The following VPS53 variants were observed in gnomAD, a reference collection of about 807,000 sequenced individuals.
VPS53 encodes VPS53 subunit of GARP complex, also known as vacuolar protein sorting-associated protein 53 homolog.
Under a neutral mutation model 107.0 loss-of-function variants are expected in VPS53, and 70 were observed. The observed-to-expected ratio is 0.65, with a 90% confidence interval of 0.54 to 0.80. The LOEUF (loss-of-function observed/expected upper bound fraction) is 0.80. VPS53 is among the 30% of genes least tolerant of loss of function. The probability of loss-of-function intolerance (pLI) is 0.00; values close to 1 mark genes in which losing one functional copy is unlikely to be tolerated. For missense variants in VPS53, 917 were observed against 1,049.4 expected, an observed-to-expected ratio of 0.87 and a Z score of 1.74; for synonymous variants, 409 against 393.3, an observed-to-expected ratio of 1.04 and a Z score of -0.47.
intron 11 of VPS53, among the ~76,000 whole-genome samples, chr17:615,378 G>A (rs1969088839): frequency 1.3e-5 from 2 of 152,180 alleles, no homozygotes; most frequent in Non-Finnish European, 2.9e-5. Context: ...GATGGGTCAG[G>A]AGGAGCTGAG....
At chr17:636,104 G>C (rs1255276181) in intron 7 of VPS53, among the ~76,000 whole-genome samples, 1 of 152,102 alleles carries the variant, frequency 6.6e-6, no homozygotes, top group Non-Finnish European at 1.5e-5. Flanking sequence ...CCTTGAAGAG[G>C]TCCTTCACAT....
At chr17:540,930 G>A (rs1310424225) in intron 17 of VPS53, among the ~76,000 whole-genome samples, 2 of 152,208 alleles carry the variant, frequency 1.3e-5, no homozygotes, top group Non-Finnish European at 2.9e-5. Context: ...ACTGTAGCAG[G>A]AACTTTGACC....
intron 7 of VPS53, among the ~76,000 whole-genome samples, chr17:638,863 T>G (rs901196553): frequency 5.3e-5 from 8 of 152,238 alleles, no homozygotes; most frequent in African/African-American, 1.9e-4. Context: ...TTTCCTTCAT[T>G]TCAACTTTGG....
intron 17 of VPS53, chr17:539,268 G>T (rs1008465568): frequency 1.8e-4 from 28 of 152,190 alleles, no homozygotes; most frequent in African/African-American, 6.8e-4. Flanking sequence ...GACCAAGCAG[G>T]GGCCTGGGAT....
At position 689,704 on chromosome 17, in the gene VPS53, T is replaced by C. The variant is rs527704864; in HGVS notation, c.285+7714A>G. ...GGCCAGGCTGGTCTTAAACTCCTGA[T>C]CTCAGGCGATCCGCCCACCTCCGCC... On this transcript the variant is annotated intron_variant, in intron 4 of 21. Transcript: ENST00000437048. 1.4e-4 allele frequency among the ~76,000 whole-genome samples: 22 copies of C among 152,108 alleles called. No individual in the cohort carries two copies. In the East Asian group the frequency reaches 3.9e-3, roughly 27 times the overall value.
intron 13 of VPS53, among the ~76,000 whole-genome samples, chr17:575,895 C>A (rs773213679): frequency 1.4e-5 from 2 of 145,496 alleles, no homozygotes; most frequent in Admixed American, 6.8e-5. Context: ...GCATTCGCAG[C>A]GAACCTCCCT....
chr17:540,715 TG>T (rs1910566906), intron 17 of VPS53: 1 of 152,226 alleles, frequency 6.6e-6, no homozygotes, highest in African/African-American at 2.4e-5. Context: ...GGCGTTCAAC[TG>T]GTACTACTAT....
At chr17:565,705 G>GGGCCTCCCGGTCAC (rs1913437695) in intron 13 of VPS53, among the ~76,000 whole-genome samples, 1 of 151,460 alleles carries the variant, frequency 6.6e-6, no homozygotes. Context: ...CTCCCGGTCA[G>GGGCCTCCCGGTCAC]TGGGCCTCGC....
At chr17:607,371 C>T (rs748970041) in intron 11 of VPS53, among the ~76,000 whole-genome samples, 31 of 152,166 alleles carry the variant, frequency 2.0e-4, no homozygotes, top group Non-Finnish European at 3.5e-4. Flanking sequence ...TCTACAACAA[C>T]GCACATACCA....
At chr17:604,768 G>A (rs1968487592) in intron 11 of VPS53, among the ~76,000 whole-genome samples, 1 of 152,146 alleles carries the variant, frequency 6.6e-6, no homozygotes, top group Admixed American at 6.5e-5. Context: ...GGGAGTTGTG[G>A]ACATCAAGGA....
intron 11 of VPS53, among the ~76,000 whole-genome samples, chr17:605,942 G>A (rs557077684): frequency 6.6e-5 from 10 of 152,080 alleles, no homozygotes; most frequent in Admixed American, 6.5e-4. Flanking sequence ...GATCTAATTT[G>A]GATTTTAAAA....
chr17:593,009 T>C (rs1178034565), intron 12 of VPS53, among the ~76,000 whole-genome samples: 1 of 152,102 alleles, frequency 6.6e-6, no homozygotes, highest in Non-Finnish European at 1.5e-5. Flanking sequence ...ATGCCGCATA[T>C]CTACAACTAT....
At position 650,738 on chromosome 17, in the gene VPS53, T is replaced by C. The variant is rs927787121; in HGVS notation, c.608+2553A>G. 2.6e-5 allele frequency among the ~76,000 whole-genome samples: 4 copies of C among 152,318 alleles called. No individual in the cohort carries two copies. The East Asian group carries it at 7.7e-4, about 29-fold the overall frequency. On this transcript the variant is annotated intron_variant, in intron 7 of 21. Coordinates refer to ENST00000437048, the MANE Select transcript of VPS53 (RefSeq NM_001128159.3). ...GTATACAAACCTATAACCCAGAATC[T>C]GTCCCAGAGAAATACTTGCATATGT...
chr17:556,879 A>G (rs146384287), intron 15 of VPS53, among the ~76,000 whole-genome samples: 2 of 67,040 alleles, frequency 3.0e-5, no homozygotes, highest in African/African-American at 5.4e-5. Context: ...GGAGCTACCT[A>G]CTGAAGGGGG....
chr17:623,635 T>A lies in VPS53; in HGVS notation c.1014A>T (p.Glu338Asp). 1 of 1,614,000 alleles carries A rather than the reference T, an allele frequency of 6.2e-7. No homozygotes were observed. Residue 338 changes from glutamate (E) to aspartate (D), a missense_variant, in exon 11 of 22, where the codon GAA becomes GAT. Physicochemically the swap from Glu to Asp is conservative, Grantham distance 45 (BLOSUM62 2). Coordinates refer to ENST00000437048, the MANE Select transcript of VPS53 (RefSeq NM_001128159.3). The stretch of plus-strand genomic sequence containing the variant: ...CAAAAAGAAGCAATTTCACTTCAAT[T>A]TCCTTCGCTCTGGTACGCATAATCT... The part of the protein sequence containing the change: ...LAKIMRTRAK[E>D]IEVKLLLFAI...
intron 1 of VPS53, among the ~76,000 whole-genome samples, chr17:712,732 A>C (rs1228899056): frequency 6.6e-6 from 1 of 152,188 alleles, no homozygotes; most frequent in Non-Finnish European, 1.5e-5. Context: ...AAAATGTCAG[A>C]ATTCACCGCT....
chr17:588,240 C>T (rs1967432562), intron 12 of VPS53, among the ~76,000 whole-genome samples: 1 of 152,138 alleles, frequency 6.6e-6, no homozygotes, highest in Non-Finnish European at 1.5e-5. Flanking sequence ...ATTGCTTGAA[C>T]CCAGGAGGTG....
At chr17:601,987 G>A (rs7225041) in intron 11 of VPS53, 91 bp from the exon 12 acceptor site, 3 of 954,578 alleles carry the variant, frequency 3.1e-6, no homozygotes, top group South Asian at 2.2e-5. Flanking sequence ...TCTCCAACAA[G>A]GAAGTCATGC....
At chr17:535,229 G>A (rs1909946493) in intron 18 of VPS53, among the ~76,000 whole-genome samples, 3 of 152,154 alleles carry the variant, frequency 2.0e-5, no homozygotes, top group Non-Finnish European at 4.4e-5. Flanking sequence ...TGTGAGGGGG[G>A]GCATCCAATT....
Sources: allele counts gnomAD v4.1 joint callset (sites outside exome capture counted in the v4.1 genomes callset), GRCh38; gene constraint gnomAD v4.1.1; transcripts MANE v1.5; gene names NCBI Gene and HGNC (gene_info 2026-07-23, HGNC 2026-07-21).